The following SHTN1 variants were observed in gnomAD, a reference collection of about 807,000 sequenced individuals.
SHTN1 encodes the protein shootin 1, also known as shootin-1.
Under a neutral mutation model 83.1 loss-of-function variants are expected in SHTN1, and 42 were observed. The observed-to-expected ratio is 0.51, with a 90% confidence interval of 0.39 to 0.65. The LOEUF (loss-of-function observed/expected upper bound fraction) is 0.65, where lower values mean the gene tolerates loss of function less well. SHTN1 is among the 30% of genes least tolerant of loss of function. The pLI is 0.00. For missense variants in SHTN1, 622 were observed against 737.8 expected (o/e 0.84, Z 1.82); for synonymous variants, 224 against 247.7 (o/e 0.90, Z 0.90).
At chr10:116,890,120 A>C (rs1365275626) in intron 16 of SHTN1, among the ~76,000 whole-genome samples, 1 of 152,038 alleles carries the variant, frequency 6.6e-6, no homozygotes, top group Non-Finnish European at 1.5e-5. Flanking sequence ...AGAAGCTCAA[A>C]TGCAACACTT....
At chr10:116,910,732 T>C (rs1041209952) in intron 14 of SHTN1, among the ~76,000 whole-genome samples, 4 of 152,212 alleles carry the variant, frequency 2.6e-5, no homozygotes, top group Admixed American at 6.5e-5. Flanking sequence ...TTCTCCTTAA[T>C]AGAACACTGA....
rs529226491 is a variant in SHTN1, at chr10:116,998,653, A to G, written c.58+6369T>C. 7.4e-4 allele frequency among the ~76,000 whole-genome samples: 112 copies of G among 152,326 alleles called. 2 individuals carry two copies. The South Asian group carries it at 0.022, about 30-fold the overall frequency. On this transcript the variant is annotated intron_variant, in intron 1 of 16. Coordinates refer to ENST00000355371, the MANE Select transcript of SHTN1 (RefSeq NM_001127211.3). ...AACATAGCTTCCTCCATGGGTAAGC[A>G]GGGACTACAGTATCTCCATCAATGT...
chr10:116,985,832 T>A (rs1851200123), intron 1 of SHTN1, among the ~76,000 whole-genome samples: 1 of 152,166 alleles, frequency 6.6e-6, no homozygotes, highest in African/African-American at 2.4e-5. Flanking sequence ...AATTACAACA[T>A]TATTCCCTTC....
intron 1 of SHTN1, among the ~76,000 whole-genome samples, chr10:117,054,628 C>T (rs1252879873): frequency 6.6e-6 from 1 of 151,850 alleles, no homozygotes; most frequent in Non-Finnish European, 1.5e-5. Flanking sequence ...AGGATGGTCT[C>T]GATCTCTTGA....
intron 1 of SHTN1, among the ~76,000 whole-genome samples, chr10:117,095,716 A>C (rs1359946584): frequency 6.6e-6 from 1 of 152,214 alleles, no homozygotes; most frequent in East Asian, 1.9e-4. Context: ...ACTCTGATTT[A>C]GTGAATTTAT....
In SHTN1 at chr10:117,004,114, T is replaced by A. The variant is rs146543411; in HGVS notation, c.58+908A>T. Among the ~76,000 whole-genome samples, 794 of 152,196 alleles carry A rather than the reference T, an allele frequency of 5.2e-3. 10 individuals are homozygous for A. Among genetic ancestry groups the A allele is most frequent in the African/African-American group, 0.018 (756 of 41,534 alleles). ...GTTGGTTAGGCTGGTCTCGAACTCC[T>A]GACCTTAGGTGATCCACCTGCCTCG... On this transcript the variant is annotated intron_variant, in intron 1 of 16. Transcript: ENST00000355371.
chr10:117,078,295 A>T (rs1310142564), intron 1 of SHTN1, among the ~76,000 whole-genome samples: 1 of 152,170 alleles, frequency 6.6e-6, no homozygotes, highest in Admixed American at 6.5e-5. Flanking sequence ...ATCTACAAGG[A>T]TGGTGGCTCC....
chr10:116,999,790 G>A (rs1368713620), intron 1 of SHTN1, among the ~76,000 whole-genome samples: 3 of 152,122 alleles, frequency 2.0e-5, no homozygotes, highest in Non-Finnish European at 4.4e-5. Flanking sequence ...GCACATGCCT[G>A]TAGTCCCAGC....
intron 12 of SHTN1, among the ~76,000 whole-genome samples, chr10:116,918,524 GT>G (rs1401234662): frequency 2.0e-5 from 3 of 151,930 alleles, no homozygotes; most frequent in Non-Finnish European, 4.4e-5. Context: ...ATACATTATA[GT>G]CGAATTAAGT....
At chr10:117,054,506 C>A (rs370054916) in intron 1 of SHTN1, among the ~76,000 whole-genome samples, 3 of 150,640 alleles carry the variant, frequency 2.0e-5, no homozygotes, top group Non-Finnish European at 4.4e-5. Context: ...CCTGGGTTCA[C>A]GCCATTCTCC....
intron 15 of SHTN1, among the ~76,000 whole-genome samples, chr10:116,904,104 C>T (rs1387950786): frequency 6.6e-6 from 1 of 152,206 alleles, no homozygotes; most frequent in African/African-American, 2.4e-5. Flanking sequence ...TGTCTCTCTT[C>T]TGATGTTTCC....
chr10:116,903,679 G>A (rs1847842820), intron 15 of SHTN1, among the ~76,000 whole-genome samples: 2 of 152,128 alleles, frequency 1.3e-5, no homozygotes, highest in Non-Finnish European at 2.9e-5. Context: ...ATTTGCTTCT[G>A]ATCAGCTCTA....
At chr10:117,110,418 C>T (rs1853748403) in intron 1 of SHTN1, among the ~76,000 whole-genome samples, 1 of 152,200 alleles carries the variant, frequency 6.6e-6, no homozygotes, top group Non-Finnish European at 1.5e-5. Context: ...GTGGCACCAT[C>T]TCGGCTCACT....
In SHTN1 at chr10:116,927,904, C is replaced by A. The variant is rs1458182923; in HGVS notation, c.1013-13G>T. 6.2e-7 allele frequency: 1 copy of A among 1,611,656 alleles called. No individual in the cohort carries two copies. The highest frequency in any genetic ancestry group is 2.2e-5 in the East Asian group (1 of 44,578). On this transcript the variant is annotated splice_polypyrimidine_tract_variant and intron_variant, in intron 10 of 16. Transcript: ENST00000355371. ...TGGAGTTCATCAACTGCACAGAGAG[C>A]AAACATTCAGAAGAGAGCTGAAATA... is the stretch of plus-strand genomic sequence containing the variant.
intron 1 of SHTN1, among the ~76,000 whole-genome samples, chr10:117,073,752 A>G (rs3847479): frequency 0.67 from 102,234 of 152,018 alleles, 37,253 homozygotes; most frequent in Middle Eastern, 0.84. Context: ...TTGAGCCCCA[A>G]TTTGTGTCCC....
intron 2 of SHTN1, among the ~76,000 whole-genome samples, chr10:117,037,044 T>C (rs1852508190): frequency 6.6e-6 from 1 of 152,208 alleles, no homozygotes; most frequent in African/African-American, 2.4e-5. Context: ...CTAGAACTAA[T>C]AAGCATTTAT....
chr10:117,033,896 A>G (rs1346712266), intron 2 of SHTN1, among the ~76,000 whole-genome samples: 3 of 152,204 alleles, frequency 2.0e-5, no homozygotes, highest in Non-Finnish European at 4.4e-5. Context: ...TCAATGTGAT[A>G]CATCATATCA....
At chr10:116,892,642 T>C (rs1847374489) in intron 16 of SHTN1, among the ~76,000 whole-genome samples, 1 of 152,210 alleles carries the variant, frequency 6.6e-6, no homozygotes, top group Non-Finnish European at 1.5e-5. Context: ...TTTCTTTCAA[T>C]TTACTGTGTA....
chr10:117,047,210 GC>G (rs1260004042), intron 2 of SHTN1, among the ~76,000 whole-genome samples: 2 of 152,044 alleles, frequency 1.3e-5, no homozygotes, highest in Admixed American at 1.3e-4. Flanking sequence ...GATTACAGGT[GC>G]CCAGCACCAT....
Sources: gnomAD v4.1 joint callset for allele counts (sites outside exome capture counted in the v4.1 genomes callset) on GRCh38, gnomAD v4.1.1 for gene constraint, MANE v1.5 for transcripts, NCBI Gene and HGNC (gene_info 2026-07-23, HGNC 2026-07-21) for gene names.